PER2: variants seen among roughly 807,000 people sequenced by gnomAD.
The protein encoded by PER2 is period circadian protein homolog 2.
PER2 carries 66 observed loss-of-function variants against 121.0 expected under a neutral mutation model. The observed-to-expected ratio is 0.55, with a 90% CI of 0.45 to 0.67. The LOEUF (loss-of-function observed/expected upper bound fraction) is 0.67. Among genes scored for constraint, PER2 ranks in the 30% least tolerant of loss-of-function variants. The pLI is 0.00. For synonymous variants in PER2, 684 were observed against 659.9 expected, an observed-to-expected ratio of 1.04 and a Z score of -0.56; for missense variants, 1,521 against 1,635.0, an observed-to-expected ratio of 0.93 and a Z score of 1.20.
At chr2:238,288,124 C>T (rs1369661460) in intron 1 of PER2, among the ~76,000 whole-genome samples, 1 of 152,168 alleles carries the variant, frequency 6.6e-6, no homozygotes, top group East Asian at 1.9e-4. Flanking sequence ...TAGATCAGCG[C>T]CCCTCCATGG....
intron 1 of PER2, among the ~76,000 whole-genome samples, chr2:238,286,856 A>G (rs1213238167): frequency 6.6e-6 from 1 of 152,248 alleles, no homozygotes; most frequent in Non-Finnish European, 1.5e-5. Flanking sequence ...AGTAGTGCAC[A>G]GGAGAGGAAT....
At chr2:238,282,276 C>G (rs1295810615) in intron 1 of PER2, among the ~76,000 whole-genome samples, 1 of 152,168 alleles carries the variant, frequency 6.6e-6, no homozygotes, top group Non-Finnish European at 1.5e-5. Flanking sequence ...GATGCCTGGG[C>G]AGCCTGCATG....
In PER2 at chr2:238,246,264, C is replaced by T; in HGVS notation, c.*111G>A. The T allele has an allele frequency of 4.2e-6, 3 of 709,636 alleles. No individual in the cohort carries two copies. The highest frequency in any genetic ancestry group is 6.4e-6 in the Non-Finnish European group (3 of 467,860). 44.0% of individuals were successfully genotyped at this position (709,636 alleles called of 1,614,324 possible). A position where few individuals can be genotyped will look rare whatever the true frequency, so the allele number is the denominator to read the frequency against. Reference sequence around the variant, plus strand: ...GTTTTTTTTTCTAAAACAAAAAAAGCAACATGAGCATATGTGTCCATTTCA... The same window carrying T: ...GTTTTTTTTTCTAAAACAAAAAAAGTAACATGAGCATATGTGTCCATTTCA... On this transcript the variant is annotated 3_prime_UTR_variant, in exon 23 of 23. Transcript: ENST00000254657.
Position 238,253,021 on chromosome 2 carries a change from T to C in PER2, c.3002A>G (p.Glu1001Gly), listed in dbSNP as rs745437080. 3 of 1,613,890 alleles carry C rather than the reference T, an allele frequency of 1.9e-6. No individual in the cohort carries two copies. In the Admixed American group the frequency reaches 5.0e-5, roughly 27 times the overall value. The change falls in exon 19 of 23, where the codon GAG becomes GGG. Residue 1001 changes from glutamate (E) to glycine (G), a missense_variant. By Grantham distance (98) the Glu-to-Gly change is moderately conservative (BLOSUM62 -2). Coordinates refer to ENST00000254657, the MANE Select transcript of PER2 (RefSeq NM_022817.3). This position sits in a 1 kb window ranked among gnomAD's most constrained non-coding sequence, Gnocchi z 5.6. ...LNLLQLEEAPEGGTGAMGTTG... is the reference protein window; with the variant it reads ...LNLLQLEEAPGGGTGAMGTTG... ...GGTCCCCATGGCTCCAGTGCCACCC[T>C]CAGGGGCTTCCTCCAGCTGCAGCAG... is the stretch of plus-strand genomic sequence containing the variant.
Position 238,260,007 on chromosome 2 carries a change from G to T in PER2, c.1589C>A (p.Ser530Tyr). The T allele has an allele frequency of 6.6e-7, 1 of 1,507,576 alleles. No individual in the cohort carries two copies. The highest frequency in any genetic ancestry group is 9.2e-7 in the Non-Finnish European group (1 of 1,088,296). 93.4% of individuals were successfully genotyped at this position (1,507,576 alleles called of 1,614,324 possible). A position where few individuals can be genotyped will look rare whatever the true frequency, so the allele number is the denominator to read the frequency against. ...TTTCTTTTGTTCTCCAGATTCATGA[G>T]AATAATGACTTCTATTTTTGGTCTT... is the stretch of plus-strand genomic sequence containing the variant. ...GNKTKNRSHY[S>Y]HESGEQKKKS... The change falls in exon 14 of 23, where the codon TCT (serine) becomes TAT (tyrosine). Residue 530 changes from serine to tyrosine, a missense_variant. Physicochemically the swap from Ser to Tyr is moderately radical, Grantham distance 144. Coordinates refer to ENST00000254657, the MANE Select transcript of PER2 (RefSeq NM_022817.3).
At position 238,270,958 on chromosome 2, in the gene PER2, G is replaced by A. The variant is rs117185481; in HGVS notation, c.772+354C>T. ...GCAGCTGCTAAGGTGGCAGGGGGAC[G>A]CCTGCGTGCAGGGAGCAGGGTGCCT... On this transcript the variant is annotated intron_variant, in intron 6 of 22. Transcript: ENST00000254657. 5.1e-4 allele frequency among the ~76,000 whole-genome samples: 77 copies of A among 152,328 alleles called. No individual in the cohort carries two copies. In the East Asian group the frequency reaches 9.5e-3, roughly 19 times the overall value.
intron 1 of PER2, among the ~76,000 whole-genome samples, chr2:238,284,259 A>G (rs1204573711): frequency 6.6e-6 from 1 of 152,060 alleles, no homozygotes; most frequent in African/African-American, 2.4e-5. Context: ...CCAGACCAAT[A>G]TGGTGAAACC....
At chr2:238,290,172 T>G (rs912937613), upstream of PER2, 9 of 152,188 alleles carry the variant, frequency 5.9e-5, no homozygotes, top group African/African-American at 1.7e-4. Flanking sequence ...AAATACCAAG[T>G]TCATCGGGGC....
At chr2:238,272,286 G>A (rs1696314411) in intron 5 of PER2, among the ~76,000 whole-genome samples, 1 of 152,202 alleles carries the variant, frequency 6.6e-6, no homozygotes, top group East Asian at 1.9e-4. Flanking sequence ...TGTCCAGGCT[G>A]GGTGACTGGG....
rs767163777 is a variant in PER2 at position 238,265,618 on chromosome 2, T to A, written c.968-28A>T. ...GAAAGAACAGAATATTGCACACATT[T>A]GTGATCCTAAGAAATGCATATTTGA... is the stretch of plus-strand genomic sequence containing the variant. On this transcript the variant is annotated intron_variant, in intron 8 of 22. Coordinates refer to ENST00000254657, the MANE Select transcript of PER2 (RefSeq NM_022817.3). 4 of 1,340,534 alleles carry A rather than the reference T, an allele frequency of 3.0e-6. No homozygotes were observed. In the African/African-American group the frequency reaches 4.3e-5, roughly 14 times the overall value. The allele number at this position is 1,340,534 out of a possible 1,614,324, so 83.0% of individuals were successfully genotyped here.
At position 238,252,230 on chromosome 2, in the gene PER2, G is replaced by A. The variant is rs1003663016; in HGVS notation, c.3112-469C>T. Among the ~76,000 whole-genome samples the A allele has an allele frequency of 1.3e-5, 2 of 152,186 alleles. No individual in the cohort carries two copies. Among genetic ancestry groups the A allele is most frequent in the South Asian group, 2.1e-4 (1 of 4,830 alleles). On this transcript the variant is annotated intron_variant, in intron 19 of 22. Coordinates refer to ENST00000254657, the MANE Select transcript of PER2 (RefSeq NM_022817.3). The surrounding 1 kb of genome is among the most constrained non-coding windows in gnomAD (Gnocchi z 4.2). ...CCCAGGACTCCAGAAGCAGGAGCCC[G>A]GAGGTGGCAGGAGGACTGGGAGAAG...
In PER2 at chr2:238,268,180, C is replaced by A; in HGVS notation, c.843G>T (p.Glu281Asp). The change falls in exon 8 of 23, where the codon GAG becomes GAT. Residue 281 changes from glutamate (E) to aspartate (D), a missense_variant. Coordinates refer to ENST00000254657, the MANE Select transcript of PER2 (RefSeq NM_022817.3). The surrounding 1 kb of genome is among the most constrained non-coding windows in gnomAD (Gnocchi z 4.0). The stretch of plus-strand genomic sequence containing the variant: ...GGAAGGGGTGGTAGCGGATTTCATT[C>A]TCGTGGCTTTTCCGGACACTGCGGA... The part of the protein sequence containing the change: ...FCRVSVRKSH[E>D]NEIRYHPFRM... 6.2e-7 allele frequency: 1 copy of A among 1,614,096 alleles called. No individual in the cohort carries two copies. Among genetic ancestry groups the A allele is most frequent in the Non-Finnish European group, 8.5e-7 (1 of 1,180,022 alleles).
rs1366586354 is a variant in PER2 at position 238,255,950 on chromosome 2, CCT to C, written c.2066-41_2066-40del. ...ACCCAGGGCTCTGGTCCACACGTGCCCTGTTTATTATTTTAAGGCCACACTAT... is the reference window on the plus strand; with the variant it reads ...ACCCAGGGCTCTGGTCCACACGTGCCGTTTATTATTTTAAGGCCACACTAT... On this transcript the variant is annotated intron_variant, in intron 17 of 22. Coordinates refer to ENST00000254657, the MANE Select transcript of PER2 (RefSeq NM_022817.3). The C allele has an allele frequency of 4.3e-6, 7 of 1,612,994 alleles. No individual in the cohort carries two copies. In the East Asian group the frequency reaches 1.3e-4, roughly 31 times the overall value.
At chr2:238,267,512 T>C (rs1490511828) in intron 8 of PER2, among the ~76,000 whole-genome samples, 2 of 152,172 alleles carry the variant, frequency 1.3e-5, no homozygotes, top group Non-Finnish European at 2.9e-5. Flanking sequence ...CTGACTCACC[T>C]GGAGAGTCAT....
At chr2:238,297,499 C>T in the PER2 span, among the ~76,000 whole-genome samples, 21 of 152,162 alleles carry the variant, frequency 1.4e-4, no homozygotes, top group Non-Finnish European at 2.6e-4. Flanking sequence ...ACTCTTGTAA[C>T]GCTAGGGTCC....
chr2:238,271,396 A>G lies in PER2; in HGVS notation c.688T>C (p.Phe230Leu), dbSNP rs1444018984. 2 of 1,614,162 alleles carry G rather than the reference A, an allele frequency of 1.2e-6. No individual in the cohort carries two copies. Among genetic ancestry groups the G allele is most frequent in the Non-Finnish European group, 1.7e-6 (2 of 1,179,980 alleles). The change falls in exon 6 of 23, where the codon TTC becomes CTC. Residue 230 changes from phenylalanine (F) to leucine (L), a missense_variant. Coordinates refer to ENST00000254657, the MANE Select transcript of PER2 (RefSeq NM_022817.3). The stretch of plus-strand genomic sequence containing the variant: ...ACGCCCACATCGTGAGGCGCCAGGA[A>G]CTCCACAAACTTGGCATCGCTGAAG... Reference protein sequence around the residue: ...DAFSDAKFVEFLAPHDVGVFH... With the variant: ...DAFSDAKFVELLAPHDVGVFH...
At chr2:238,266,199 G>A (rs78026206) in intron 8 of PER2, among the ~76,000 whole-genome samples, 6,561 of 152,174 alleles carry the variant, frequency 0.043, 179 homozygotes, top group Admixed American at 0.081. Context: ...CACTGCGCCC[G>A]GCCCCATCTT....
intron 1 of PER2, among the ~76,000 whole-genome samples, chr2:238,278,170 A>G (rs756396296): frequency 6.6e-6 from 1 of 152,022 alleles, no homozygotes; most frequent in Admixed American, 6.6e-5. Context: ...CCTGGGCTCA[A>G]GCGATCCTCC....
At chr2:238,265,280 G>T (rs937390335) in intron 9 of PER2, among the ~76,000 whole-genome samples, 1 of 152,186 alleles carries the variant, frequency 6.6e-6, no homozygotes, top group African/African-American at 2.4e-5. Flanking sequence ...GTTTATATGG[G>T]AGAATTAAGA....
Sources: gnomAD v4.1 joint callset for allele counts (sites outside exome capture counted in the v4.1 genomes callset) on GRCh38, gnomAD v4.1.1 for gene constraint, Gnocchi (gnomAD v3.1) non-coding constraint, MANE v1.5 for transcripts, NCBI Gene and HGNC (gene_info 2026-07-23, HGNC 2026-07-21) for gene names.